Variants in SLIT3 observed in about 807,000 individuals in gnomAD.
The protein encoded by SLIT3 is slit homolog 3 protein.
SLIT3 carries 68 observed loss-of-function variants against 184.0 expected under a neutral mutation model. The ratio of observed to expected loss-of-function variants is 0.37; its 90% CI spans 0.30 to 0.45. The LOEUF is 0.45. Among genes scored for constraint, SLIT3 ranks in the 20% least tolerant of loss-of-function variants. The pLI is 1.00. For missense variants in SLIT3, 1,707 were observed against 2,026.0 expected, an observed-to-expected ratio of 0.84 and a Z score of 3.02; for synonymous variants, 831 against 828.6, an observed-to-expected ratio of 1.00 and a Z score of -0.05.
intron 3 of SLIT3, among the ~76,000 whole-genome samples, chr5:169,212,932 T>C (rs1412457407): frequency 6.6e-6 from 1 of 152,186 alleles, no homozygotes; most frequent in African/African-American, 2.4e-5. Context: ...TTTGTTAGGT[T>C]TGTCAAAGCT....
chr5:169,187,168 C>A (rs1819982), intron 4 of SLIT3, among the ~76,000 whole-genome samples: 60,840 of 135,966 alleles, frequency 0.45, 14,459 homozygotes, highest in Middle Eastern at 0.64. Flanking sequence ...GGCTGGAGTG[C>A]AGTGGCATGA....
chr5:168,864,022 C>T (rs986946956), intron 5 of SLIT3, among the ~76,000 whole-genome samples: 52 of 150,622 alleles, frequency 3.5e-4, no homozygotes, highest in Non-Finnish European at 6.3e-4. Context: ...ATGGTGAAAC[C>T]CCATCTCTAT....
chr5:168,798,844 A>G (rs73805228), intron 9 of SLIT3, among the ~76,000 whole-genome samples: 4,340 of 152,210 alleles, frequency 0.029, 235 homozygotes, highest in African/African-American at 0.1. Flanking sequence ...ACATTCTATG[A>G]GTCAGATCTT....
chr5:168,698,482 C>T (rs1479285963), intron 27 of SLIT3, among the ~76,000 whole-genome samples: 2 of 152,066 alleles, frequency 1.3e-5, no homozygotes, highest in Non-Finnish European at 2.9e-5. Context: ...GCCAGGAACA[C>T]CAGAAGCCAG....
Position 168,823,314 on chromosome 5 carries a change from T to A in SLIT3, c.575A>T (p.Asn192Ile). 1 of 1,610,304 alleles carries A rather than the reference T, an allele frequency of 6.2e-7. No individual in the cohort carries two copies. The highest frequency in any genetic ancestry group is 8.5e-7 in the Non-Finnish European group (1 of 1,176,812). Residue 192 changes from asparagine (N) to isoleucine (I), a missense_variant, in exon 7 of 36, where the codon AAC becomes ATC. Transcript: ENST00000519560. ...DLEILTLNNN[N>I]ISRILVTSFN... is the part of the protein sequence containing the mutation. Reference sequence around the variant, plus strand: ...GCTGGTGACCAGGATGCGACTGATGTTGTTGTTGTTGAGGGTACTGTGGAG... The same window carrying A: ...GCTGGTGACCAGGATGCGACTGATGATGTTGTTGTTGAGGGTACTGTGGAG...
chr5:169,065,819 G>A (rs2113109051), intron 4 of SLIT3, among the ~76,000 whole-genome samples: 1 of 152,292 alleles, frequency 6.6e-6, no homozygotes, highest in East Asian at 1.9e-4. Context: ...AGAGGGTGAG[G>A]GAGACCTTTA....
chr5:168,679,060 G>C (rs942792270), intron 32 of SLIT3, among the ~76,000 whole-genome samples: 1 of 152,086 alleles, frequency 6.6e-6, no homozygotes, highest in Non-Finnish European at 1.5e-5. Context: ...TTTTGCCTTT[G>C]CATTTATTTA....
intron 1 of SLIT3, among the ~76,000 whole-genome samples, chr5:169,298,980 T>C (rs1201260763): frequency 2.6e-5 from 4 of 152,238 alleles, no homozygotes; most frequent in Non-Finnish European, 4.4e-5. Context: ...TTACAAGTTA[T>C]AGGTATCTAA....
intron 20 of SLIT3, among the ~76,000 whole-genome samples, chr5:168,740,867 G>T (rs527511341): frequency 2.0e-5 from 3 of 152,140 alleles, no homozygotes; most frequent in African/African-American, 7.2e-5. Flanking sequence ...ACGGGCTATC[G>T]TCATGGCATT....
rs907089698 is a variant in SLIT3 at position 168,665,704 on chromosome 5, T to A, written c.*750A>T. 1 of 149,762 alleles carries A rather than the reference T, an allele frequency of 6.7e-6. No individual in the cohort carries two copies. Among genetic ancestry groups the A allele is most frequent in the African/African-American group, 2.6e-5 (1 of 39,140 alleles). The allele number at this position is 149,762 out of a possible 1,614,324, so 9.3% of individuals were successfully genotyped here. On this transcript the variant is annotated 3_prime_UTR_variant, in exon 36 of 36. Transcript: ENST00000519560. Reference sequence around the variant, plus strand: ...AGGAAGGAGAAGAGGGGTCCCCCAGTGGGTTCAGATACGGAAGCCAGGGCC... The same window carrying A: ...AGGAAGGAGAAGAGGGGTCCCCCAGAGGGTTCAGATACGGAAGCCAGGGCC...
chr5:168,750,984 T>A (rs1754676441), intron 18 of SLIT3, among the ~76,000 whole-genome samples: 2 of 143,246 alleles, frequency 1.4e-5, no homozygotes, highest in African/African-American at 5.3e-5. Flanking sequence ...ATTGGGGCTA[T>A]GGCAGAGGGG....
At chr5:169,105,324 T>C (rs1760163819) in intron 4 of SLIT3, among the ~76,000 whole-genome samples, 1 of 152,220 alleles carries the variant, frequency 6.6e-6, no homozygotes, top group African/African-American at 2.4e-5. Context: ...CTAATGCACA[T>C]ATATGTACAT....
At chr5:169,131,527 G>A (rs1432775848) in intron 4 of SLIT3, among the ~76,000 whole-genome samples, 1 of 152,176 alleles carries the variant, frequency 6.6e-6, no homozygotes, top group East Asian at 1.9e-4. Context: ...TTTTATCTCT[G>A]AATTAGTTTC....
chr5:169,112,570 C>T (rs1369028071), intron 4 of SLIT3, among the ~76,000 whole-genome samples: 1 of 152,104 alleles, frequency 6.6e-6, no homozygotes, highest in African/African-American at 2.4e-5. Context: ...AGTGACTTTA[C>T]CTCATTTTTG....
chr5:168,671,285 T>C lies in SLIT3; in HGVS notation c.4040A>G (p.Glu1347Gly), dbSNP rs779544627. 5 of 1,613,702 alleles carry C rather than the reference T, an allele frequency of 3.1e-6. No homozygotes were observed. In the East Asian group the frequency reaches 6.7e-5, roughly 22 times the overall value. Reference sequence around the variant, plus strand: ...GCACTCGCACACCACGCTGTCCTTCTCCACGGAGCGGCACAGGCCGTGCTT... The same window carrying C: ...GCACTCGCACACCACGCTGTCCTTCCCCACGGAGCGGCACAGGCCGTGCTT... Reference protein sequence around the residue: ...VCKHGLCRSVEKDSVVCECRP... With the variant: ...VCKHGLCRSVGKDSVVCECRP... The change falls in exon 34 of 36, where the codon GAG (glutamate) becomes GGG (glycine). Residue 1347 changes from glutamate to glycine, a missense_variant. Physicochemically the swap from Glu to Gly is moderately conservative, Grantham distance 98. Transcript: ENST00000519560.
intron 6 of SLIT3, among the ~76,000 whole-genome samples, chr5:168,838,192 C>T (rs1205857416): frequency 6.6e-6 from 1 of 152,162 alleles, no homozygotes; most frequent in East Asian, 1.9e-4. Flanking sequence ...GGCAGGTGCT[C>T]AGATATCAGG....
chr5:168,774,921 C>G (rs921609802), intron 12 of SLIT3, among the ~76,000 whole-genome samples: 13 of 152,168 alleles, frequency 8.5e-5, no homozygotes, highest in Non-Finnish European at 1.5e-5. Context: ...CTGTCATACA[C>G]ACATGTGCAC....
chr5:168,727,845 G>A (rs1581011578), intron 20 of SLIT3, among the ~76,000 whole-genome samples: 1 of 152,292 alleles, frequency 6.6e-6, no homozygotes, highest in South Asian at 2.1e-4. Flanking sequence ...CTGAAGAAGG[G>A]GAGGACAAAC....
chr5:168,994,810 T>C (rs149368494), intron 4 of SLIT3, among the ~76,000 whole-genome samples: 187 of 151,724 alleles, frequency 1.2e-3, no homozygotes, highest in African/African-American at 4.4e-3. Context: ...GCCCAGTTAA[T>C]GTTTGTATTT....
Sources: allele counts gnomAD v4.1 joint callset (sites outside exome capture counted in the v4.1 genomes callset), GRCh38; gene constraint gnomAD v4.1.1; transcripts MANE v1.5; gene names NCBI Gene and HGNC (gene_info 2026-07-23, HGNC 2026-07-21).